The following DEPDC1 variants were observed in gnomAD, a reference collection of about 807,000 sequenced individuals.
DEPDC1 encodes the protein DEP domain-containing protein 1A.
DEPDC1 carries 66 observed loss-of-function variants against 86.8 expected under a neutral mutation model. That is an observed-to-expected ratio of 0.76 (90% CI 0.62 to 0.93). The LOEUF (loss-of-function observed/expected upper bound fraction) is 0.93. Among genes scored for constraint, DEPDC1 ranks in the 40% least tolerant of loss-of-function variants. The pLI is 0.00. For missense variants in DEPDC1, 792 were observed against 935.7 expected (o/e 0.85, Z 2.00); for synonymous variants, 255 against 314.9 (o/e 0.81, Z 2.02).
At chr1:68,491,876 A>G (rs914793491) in intron 2 of DEPDC1, among the ~76,000 whole-genome samples, 2 of 151,786 alleles carry the variant, frequency 1.3e-5, no homozygotes, top group Admixed American at 6.6e-5. Flanking sequence ...CGGCCTCCCA[A>G]GTAGATGAGA....
intron 5 of DEPDC1, among the ~76,000 whole-genome samples, chr1:68,487,295 G>A (rs965058783): frequency 2.6e-5 from 4 of 151,806 alleles, no homozygotes; most frequent in Admixed American, 1.3e-4. Flanking sequence ...TAAACTCCAC[G>A]TTCATTTTTA....
Position 68,482,780 on chromosome 1 carries a change from TC to T in DEPDC1, c.1027del (p.Glu343SerfsTer25). ...LNNLNSFKST[E>X]CLLLSLLHRE... ...ATGAAGCAGACTGAGAAGAAGGCACTCAGTTGATTTGAAGGAATTCAAATTG... is the reference window on the plus strand; with the variant it reads ...ATGAAGCAGACTGAGAAGAAGGCACTAGTTGATTTGAAGGAATTCAAATTG... On this transcript the variant is annotated frameshift_variant, in exon 8 of 12. Coordinates refer to ENST00000456315, the MANE Select transcript of DEPDC1 (RefSeq NM_001114120.3). LOFTEE classifies it high-confidence loss of function. 6.2e-7 allele frequency: 1 copy of T among 1,612,642 alleles called. No homozygotes were observed. Among genetic ancestry groups the T allele is most frequent in the Non-Finnish European group, 8.5e-7 (1 of 1,179,208 alleles).
rs1017736566 is a variant in DEPDC1, at chr1:68,475,037, T to C, written c.*1895A>G. On this transcript the variant is annotated 3_prime_UTR_variant, in exon 12 of 12. Transcript: ENST00000456315. ...TCTATGTGAGACACTGTGCTAACACTTTACATGCATTATCCTGCTTAATCC... is the reference window on the plus strand; with the variant it reads ...TCTATGTGAGACACTGTGCTAACACCTTACATGCATTATCCTGCTTAATCC... 2.0e-5 allele frequency: 3 copies of C among 152,018 alleles called. No individual in the cohort carries two copies. The highest frequency in any genetic ancestry group is 1.3e-4 in the Admixed American group (2 of 15,232). The allele number at this position is 152,018 out of a possible 1,614,324, so 9.4% of individuals were successfully genotyped here. A position where few individuals can be genotyped will look rare whatever the true frequency, so the allele number is the denominator to read the frequency against.
intron 2 of DEPDC1, among the ~76,000 whole-genome samples, chr1:68,492,037 G>A (rs1646232392): frequency 6.6e-6 from 1 of 151,568 alleles, no homozygotes; most frequent in Non-Finnish European, 1.5e-5. Context: ...GATTACAGGT[G>A]TGAGCCACTC....
In DEPDC1 at chr1:68,489,385, TA is replaced by T. The variant is rs1418896390; in HGVS notation, c.471+66del. On this transcript the variant is annotated intron_variant, in intron 3 of 11. Transcript: ENST00000456315. ...TAAATATTAAAGAATAATTTACTTTTAATGATTCTATCATTGAGTACATCAT... is the reference window on the plus strand; with the variant it reads ...TAAATATTAAAGAATAATTTACTTTTATGATTCTATCATTGAGTACATCAT... 4 of 1,123,150 alleles carry T rather than the reference TA, an allele frequency of 3.6e-6. No homozygotes were observed. The East Asian group carries it at 1.1e-4, about 32-fold the overall frequency. The allele number at this position is 1,123,150 out of a possible 1,614,324, so 69.6% of individuals were successfully genotyped here.
Position 68,482,779 on chromosome 1 carries a change from C to A in DEPDC1, c.1029G>T (p.Glu343Asp), listed in dbSNP as rs1447494788. The change falls in exon 8 of 12, where the codon GAG (glutamate) becomes GAT (aspartate). Residue 343 changes from glutamate (E) to aspartate (D), a missense_variant. By Grantham distance (45) the Glu-to-Asp change is conservative. Transcript: ENST00000456315. ...TATGAAGCAGACTGAGAAGAAGGCA[C>A]TCAGTTGATTTGAAGGAATTCAAAT... ...LNNLNSFKST[E>D]CLLLSLLHRE... The A allele has an allele frequency of 6.2e-7, 1 of 1,612,448 alleles. No individual in the cohort carries two copies. Among genetic ancestry groups the A allele is most frequent in the Non-Finnish European group, 8.5e-7 (1 of 1,179,230 alleles).
chr1:68,489,708 AAT>A, intron 2 of DEPDC1, 100 bp from the exon 3 acceptor site: 1 of 780,150 alleles, frequency 1.3e-6, no homozygotes, highest in Non-Finnish European at 2.0e-6. Context: ...CTGACTTATT[AAT>A]ACTACCAAGT....
chr1:68,492,042 C>T lies in DEPDC1; in HGVS notation c.314+2388G>A, dbSNP rs1646232453. Among the ~76,000 whole-genome samples the T allele has an allele frequency of 2.6e-5, 4 of 151,824 alleles. No individual in the cohort carries two copies. The South Asian group carries it at 8.3e-4, about 32-fold the overall frequency. On this transcript the variant is annotated intron_variant, in intron 2 of 11. Transcript: ENST00000456315. ...AAAGTGCTGGGATTACAGGTGTGAG[C>T]CACTCTGCCTGGCCCCATACATCAA...
Position 68,488,359 on chromosome 1 carries a change from T to C in DEPDC1, c.721+15A>G. On this transcript the variant is annotated intron_variant, in intron 5 of 11. Coordinates refer to ENST00000456315, the MANE Select transcript of DEPDC1 (RefSeq NM_001114120.3). ...GGCAAGTTTTTAAAAGTCCAATTAT[T>C]TTATTAATACCAACCTGATTTGTTT... The C allele has an allele frequency of 6.4e-7, 1 of 1,559,638 alleles. No homozygotes were observed. Among genetic ancestry groups the C allele is most frequent in the East Asian group, 2.4e-5 (1 of 42,536 alleles).
chr1:68,491,894 C>T (rs1646231332), intron 2 of DEPDC1, among the ~76,000 whole-genome samples: 1 of 151,740 alleles, frequency 6.6e-6, no homozygotes, highest in Non-Finnish European at 1.5e-5. Context: ...AGACCACAGG[C>T]ATATGCCACC....
rs202172428 is a variant in DEPDC1, at chr1:68,482,857, C to A, written c.951G>T (p.Gly317=). The change falls in exon 8 of 12, where the codon GGG becomes GGT. Residue 317 remains glycine, a synonymous_variant. Transcript: ENST00000456315. ...GYITVSDRSS[G]IHKIQDDPQS... ...GTGGATCATCTTGAATTTTATGTAT[C>A]CCACTGGATCTATCTGAAACTGTGA... The A allele has an allele frequency of 1.3e-6, 2 of 1,596,596 alleles. No individual in the cohort carries two copies. The highest frequency in any genetic ancestry group is 1.8e-5 in the Admixed American group (1 of 56,638).
intron 9 of DEPDC1, among the ~76,000 whole-genome samples, chr1:68,480,590 A>G (rs1416416017): frequency 6.6e-6 from 1 of 151,910 alleles, no homozygotes; most frequent in Non-Finnish European, 1.5e-5. Context: ...ACAAATTTCA[A>G]TTTCTCTTGG....
rs1376426206 is a variant in DEPDC1 at position 68,496,379 on chromosome 1, G to C, written c.48+573C>G. ...GACCCAACTGCACAAAACGCGTTAG[G>C]AGTGCTGTACGTGCAATTCAGGGAC... On this transcript the variant is annotated intron_variant, in intron 1 of 11. Transcript: ENST00000456315. This position sits in a 1 kb window ranked among gnomAD's most constrained non-coding sequence, Gnocchi z 4.0. Among the ~76,000 whole-genome samples the C allele has an allele frequency of 6.6e-6, 1 of 152,188 alleles. No individual in the cohort carries two copies. Among genetic ancestry groups the C allele is most frequent in the Non-Finnish European group, 1.5e-5 (1 of 68,048 alleles).
rs755908528 is a variant in DEPDC1, at chr1:68,481,574, C to A, written c.1801G>T (p.Ala601Ser). ...AGTAACAAACAACATAACTGTAGAGCATCGATGGCAACCCTCTCTAAATGA... is the reference window on the plus strand; with the variant it reads ...AGTAACAAACAACATAACTGTAGAGAATCGATGGCAACCCTCTCTAAATGA... ...QPHLERVAID[A>S]LQLCCLLLPP... is the part of the protein sequence containing the mutation. The change falls in exon 9 of 12, where the codon GCT becomes TCT. Residue 601 changes from alanine (A) to serine (S), a missense_variant. Coordinates refer to ENST00000456315, the MANE Select transcript of DEPDC1 (RefSeq NM_001114120.3). 4 of 1,609,348 alleles carry A rather than the reference C, an allele frequency of 2.5e-6. 1 individual carries two copies. In the South Asian group the frequency reaches 4.4e-5, roughly 18 times the overall value.
intron 2 of DEPDC1, among the ~76,000 whole-genome samples, chr1:68,491,779 T>C (rs1157571335): frequency 1.3e-5 from 2 of 152,148 alleles, no homozygotes; most frequent in African/African-American, 2.4e-5. Context: ...ATATCAATTT[T>C]TTTTTCTTCT....
intron 9 of DEPDC1, among the ~76,000 whole-genome samples, chr1:68,480,494 G>A (rs530702143): frequency 6.6e-6 from 1 of 151,922 alleles, no homozygotes; most frequent in South Asian, 2.1e-4. Flanking sequence ...ATAGCTTCAA[G>A]TACTATCCCT....
In DEPDC1 at chr1:68,489,040, A is replaced by G. The variant is rs778735519; in HGVS notation, c.472-6T>C. On this transcript the variant is annotated splice_region_variant and splice_polypyrimidine_tract_variant and intron_variant, in intron 3 of 11. Coordinates refer to ENST00000456315, the MANE Select transcript of DEPDC1 (RefSeq NM_001114120.3). ...TTTATTTTCTCGCCATTTTCCTGAA[A>G]AAAGGATTATTTTGGTTTAATCTGT... 2.5e-6 allele frequency: 4 copies of G among 1,575,206 alleles called. No individual in the cohort carries two copies. Among genetic ancestry groups the G allele is most frequent in the East Asian group, 2.3e-5 (1 of 44,442 alleles).
Position 68,475,515 on chromosome 1 carries a change from G to A in DEPDC1, c.*1417C>T, listed in dbSNP as rs1447811336. 9 of 151,646 alleles carry A rather than the reference G, an allele frequency of 5.9e-5. No homozygotes were observed. Among genetic ancestry groups the A allele is most frequent in the African/African-American group, 1.9e-4 (8 of 41,340 alleles). 9.4% of individuals were successfully genotyped at this position (151,646 alleles called of 1,614,324 possible). On this transcript the variant is annotated 3_prime_UTR_variant, in exon 12 of 12. Coordinates refer to ENST00000456315, the MANE Select transcript of DEPDC1 (RefSeq NM_001114120.3). ...CAGGTTTTTAATAAAAATCAGTAATGTTAAATGGAATACTATCATTTTATA... is the reference window on the plus strand; with the variant it reads ...CAGGTTTTTAATAAAAATCAGTAATATTAAATGGAATACTATCATTTTATA...
Position 68,477,082 on chromosome 1 carries a change from G to T in DEPDC1, c.2299-13C>A. The T allele has an allele frequency of 1.3e-6, 2 of 1,582,756 alleles. No homozygotes were observed. The highest frequency in any genetic ancestry group is 1.7e-4 in the Middle Eastern group (1 of 5,838). On this transcript the variant is annotated splice_polypyrimidine_tract_variant and intron_variant, in intron 11 of 11. Transcript: ENST00000456315. ...ATTCCTTCTGAAACTTAAAAATGAGGTGAGAAATTAGAAGGTATTTAACAT... is the reference window on the plus strand; with the variant it reads ...ATTCCTTCTGAAACTTAAAAATGAGTTGAGAAATTAGAAGGTATTTAACAT...
Sources: gnomAD v4.1 joint callset for allele counts (sites outside exome capture counted in the v4.1 genomes callset) on GRCh38, gnomAD v4.1.1 for gene constraint, Gnocchi (gnomAD v3.1) non-coding constraint, MANE v1.5 for transcripts, NCBI Gene and HGNC (gene_info 2026-07-23, HGNC 2026-07-21) for gene names.